Variants in SNRPD1 observed in about 807,000 individuals in gnomAD.
SNRPD1 encodes the protein small nuclear ribonucleoprotein Sm D1.
Under a neutral mutation model 14.4 loss-of-function variants are expected in SNRPD1, and 1 was observed. That is an observed-to-expected ratio of 0.07 (90% CI 0.02 to 0.33). The LOEUF (loss-of-function observed/expected upper bound fraction) is 0.33, where lower values mean the gene tolerates loss of function less well. SNRPD1 is among the 10% of genes least tolerant of loss of function. The pLI is 1.00. For missense variants in SNRPD1, 52 were observed against 146.4 expected, an observed-to-expected ratio of 0.36 and a Z score of 3.33; for synonymous variants, 42 against 50.3, an observed-to-expected ratio of 0.83 and a Z score of 0.70.
At position 21,629,780 on chromosome 18, in the gene SNRPD1, A is replaced by G. The variant is rs2039067242; in HGVS notation, c.*642A>G. The G allele has an allele frequency of 6.6e-6, 1 of 152,426 alleles. No individual in the cohort carries two copies. The highest frequency in any genetic ancestry group is 1.5e-5 in the Non-Finnish European group (1 of 68,216). 9.4% of individuals were successfully genotyped at this position (152,426 alleles called of 1,614,324 possible). A position where few individuals can be genotyped will look rare whatever the true frequency, so the allele number is the denominator to read the frequency against. On this transcript the variant is annotated 3_prime_UTR_variant, in exon 4 of 4. Coordinates refer to ENST00000300413, the MANE Select transcript of SNRPD1 (RefSeq NM_006938.4). ...AAGAGACTTTAGGCTAAACTTAACA[A>G]TATATATAGGATATATACCCTTCTA... is the stretch of plus-strand genomic sequence containing the variant.
chr18:21,625,315 A>ATTTTTTTTTTTTTTTTTTT (rs748864232), intron 3 of SNRPD1, among the ~76,000 whole-genome samples: 19 of 98,262 alleles, frequency 1.9e-4, no homozygotes, highest in East Asian at 3.3e-4. Flanking sequence ...TGTTGAAAAA[A>ATTTTTTTTTTTTTTTTTTT]ATTTTTTTTT....
In SNRPD1 at chr18:21,632,330, G is replaced by T. The variant is rs1325055039; in HGVS notation, c.*3192G>T. 6.6e-6 allele frequency: 1 copy of T among 151,998 alleles called. No homozygotes were observed. Among genetic ancestry groups the T allele is most frequent in the African/African-American group, 2.4e-5 (1 of 41,356 alleles). The allele number at this position is 151,998 out of a possible 1,614,324, so 9.4% of individuals were successfully genotyped here. On this transcript the variant is annotated 3_prime_UTR_variant, in exon 4 of 4. Transcript: ENST00000300413. The stretch of plus-strand genomic sequence containing the variant: ...AAAAATTAGCTTGGTGTGGTGGCGG[G>T]TGCCTGTAATCTCAGTTACTCAGGA...
At chr18:21,623,660 T>C (rs190740775) in intron 2 of SNRPD1, 88 bp from the exon 3 acceptor site, 249 of 909,624 alleles carry the variant, frequency 2.7e-4, no homozygotes, top group Non-Finnish European at 3.6e-4. Flanking sequence ...TAATCTTTTG[T>C]AGTCCAGTAT....
rs1365819936 is a variant in SNRPD1, at chr18:21,629,193, G to T, written c.*55G>T. 7.5e-7 allele frequency: 1 copy of T among 1,333,700 alleles called. No homozygotes were observed. Among genetic ancestry groups the T allele is most frequent in the Non-Finnish European group, 1.1e-6 (1 of 925,650 alleles). 82.6% of individuals were successfully genotyped at this position (1,333,700 alleles called of 1,614,324 possible). A position where few individuals can be genotyped will look rare whatever the true frequency, so the allele number is the denominator to read the frequency against. ...ATTTGGGATATTTTTTGTACAGGTT[G>T]TGTTTGTTTATGTCAGTTTTTAATA... is the stretch of plus-strand genomic sequence containing the variant. On this transcript the variant is annotated 3_prime_UTR_variant, in exon 4 of 4. Transcript: ENST00000300413.
intron 1 of SNRPD1, among the ~76,000 whole-genome samples, chr18:21,614,441 G>A (rs916379090): frequency 6.6e-6 from 1 of 152,046 alleles, no homozygotes; most frequent in African/African-American, 2.4e-5. Flanking sequence ...ATCCTGTTTT[G>A]TGTCTTAGGT....
At chr18:21,627,104 C>T (rs1375457445) in intron 3 of SNRPD1, among the ~76,000 whole-genome samples, 1 of 151,384 alleles carries the variant, frequency 6.6e-6, no homozygotes, top group Non-Finnish European at 1.5e-5. Flanking sequence ...CCCATCTCTA[C>T]TAAAAATACA....
intron 1 of SNRPD1, among the ~76,000 whole-genome samples, chr18:21,614,645 C>T (rs1205319468): frequency 6.6e-6 from 1 of 152,154 alleles, no homozygotes; most frequent in Admixed American, 6.6e-5. Context: ...TCCTGATGTC[C>T]TTGACATTTG....
Position 21,633,000 on chromosome 18 carries a change from A to G in SNRPD1, c.*3862A>G, listed in dbSNP as rs1226780226. The G allele has an allele frequency of 1.3e-5, 2 of 151,900 alleles. No individual in the cohort carries two copies. The highest frequency in any genetic ancestry group is 2.4e-5 in the African/African-American group (1 of 41,328). 9.4% of individuals were successfully genotyped at this position (151,900 alleles called of 1,614,324 possible). A position where few individuals can be genotyped will look rare whatever the true frequency, so the allele number is the denominator to read the frequency against. On this transcript the variant is annotated 3_prime_UTR_variant, in exon 4 of 4. Transcript: ENST00000300413. The stretch of plus-strand genomic sequence containing the variant: ...TGAGTAGCTGAGACTACAGGTGCCC[A>G]CCACTATGCCCGGCTAATGTTTTGT...
At chr18:21,619,888 G>A (rs944205811) in intron 1 of SNRPD1, among the ~76,000 whole-genome samples, 10 of 152,148 alleles carry the variant, frequency 6.6e-5, no homozygotes, top group African/African-American at 9.7e-5. Context: ...GGGCTCTAGC[G>A]ATCCTCCCAC....
intron 1 of SNRPD1, among the ~76,000 whole-genome samples, chr18:21,613,375 G>A (rs761005230): frequency 2.0e-5 from 3 of 152,126 alleles, no homozygotes; most frequent in Admixed American, 6.6e-5. Flanking sequence ...TTGAGTCAAG[G>A]ATTGTCAATA....
Position 21,629,389 on chromosome 18 carries a change from T to A in SNRPD1, c.*251T>A, listed in dbSNP as rs2039063790. 1.5e-5 allele frequency: 6 copies of A among 395,832 alleles called. No homozygotes were observed. The highest frequency in any genetic ancestry group is 2.3e-5 in the Non-Finnish European group (5 of 218,600). The allele number at this position is 395,832 out of a possible 1,614,324, so 24.5% of individuals were successfully genotyped here. ...AAAATTTTTCTTTTTCTTTTTATGATGAATAAGGTTAAAATAAAAGCCTTA... is the reference window on the plus strand; with the variant it reads ...AAAATTTTTCTTTTTCTTTTTATGAAGAATAAGGTTAAAATAAAAGCCTTA... On this transcript the variant is annotated 3_prime_UTR_variant, in exon 4 of 4. Transcript: ENST00000300413.
intron 3 of SNRPD1, among the ~76,000 whole-genome samples, chr18:21,626,984 T>C (rs918637902): frequency 8.8e-5 from 12 of 136,908 alleles, no homozygotes; most frequent in Non-Finnish European, 1.7e-4. Context: ...TTTCTTTCTT[T>C]AAAAAAAAAA....
At chr18:21,612,472 G>A (rs2038925650) in intron 1 of SNRPD1, 29 bp downstream of exon 1, 3 of 1,477,776 alleles carry the variant, frequency 2.0e-6, no homozygotes, top group Middle Eastern at 1.8e-4. Context: ...AGCTCTGGGG[G>A]CTGTGAAGGG....
At chr18:21,627,619 T>G (rs2039050723) in intron 3 of SNRPD1, among the ~76,000 whole-genome samples, 1 of 151,928 alleles carries the variant, frequency 6.6e-6, no homozygotes, top group South Asian at 2.1e-4. Flanking sequence ...TGTTGTTGTT[T>G]TACAACACCC....
At chr18:21,612,984 T>G (rs1224531804) in intron 1 of SNRPD1, among the ~76,000 whole-genome samples, 1 of 152,208 alleles carries the variant, frequency 6.6e-6, no homozygotes, top group African/African-American at 2.4e-5. Flanking sequence ...ATTACAGGTT[T>G]GAGCCACCGT....
At chr18:21,615,273 A>T (rs2038948873) in intron 1 of SNRPD1, among the ~76,000 whole-genome samples, 1 of 152,200 alleles carries the variant, frequency 6.6e-6, no homozygotes, top group South Asian at 2.1e-4. Flanking sequence ...GTGTATCAGT[A>T]ATGTGTTCAT....
chr18:21,613,012 G>A (rs1461596373), intron 1 of SNRPD1, among the ~76,000 whole-genome samples: 1 of 152,064 alleles, frequency 6.6e-6, no homozygotes, highest in Non-Finnish European at 1.5e-5. Flanking sequence ...CGATTTTTAA[G>A]TTTACCTTTT....
In SNRPD1 at chr18:21,631,400, C is replaced by A. The variant is rs1456161539; in HGVS notation, c.*2262C>A. 2 of 132,900 alleles carry A rather than the reference C, an allele frequency of 1.5e-5. No individual in the cohort carries two copies. The highest frequency in any genetic ancestry group is 5.6e-5 in the African/African-American group (2 of 35,490). The allele number at this position is 132,900 out of a possible 1,614,324, so 8.2% of individuals were successfully genotyped here. A position where few individuals can be genotyped will look rare whatever the true frequency, so the allele number is the denominator to read the frequency against. On this transcript the variant is annotated 3_prime_UTR_variant, in exon 4 of 4. Coordinates refer to ENST00000300413, the MANE Select transcript of SNRPD1 (RefSeq NM_006938.4). Reference sequence around the variant, plus strand: ...AAAGGTGAGTTGGCTTGACAAGATACAACCAATATGTAATTTTTCTCCACA... The same window carrying A: ...AAAGGTGAGTTGGCTTGACAAGATAAAACCAATATGTAATTTTTCTCCACA...
At chr18:21,625,205 C>T (rs551381761) in intron 3 of SNRPD1, among the ~76,000 whole-genome samples, 1 of 151,706 alleles carries the variant, frequency 6.6e-6, no homozygotes, top group South Asian at 2.1e-4. Context: ...CCCCCCGCCT[C>T]ATATCATCTT....
Sources: allele counts gnomAD v4.1 joint callset (sites outside exome capture counted in the v4.1 genomes callset), GRCh38; gene constraint gnomAD v4.1.1; transcripts MANE v1.5; gene names NCBI Gene and HGNC (gene_info 2026-07-23, HGNC 2026-07-21).